Variants in OR6J1 observed in about 807,000 individuals in gnomAD.
The protein encoded by OR6J1 is olfactory receptor family 6 subfamily J member 1.
For missense variants in OR6J1, 304 were observed against 166.8 expected (o/e 1.82, Z -4.53); for synonymous variants, 109 against 70.0 (o/e 1.56, Z -2.78).
At chr14:22,641,600 G>T (rs929512592) in intron 1 of OR6J1, among the ~76,000 whole-genome samples, 1 of 150,168 alleles carries the variant, frequency 6.7e-6, no homozygotes, top group Admixed American at 6.6e-5. Context: ...ATTCTAAAAG[G>T]ATATATATAT....
intron 1 of OR6J1, among the ~76,000 whole-genome samples, chr14:22,641,896 G>T (rs545433901): frequency 6.6e-6 from 1 of 152,304 alleles, no homozygotes; most frequent in South Asian, 2.1e-4. Context: ...CAGGGACAAG[G>T]TCAAATAGGG....
chr14:22,640,682 C>A (rs141361036), intron 1 of OR6J1, among the ~76,000 whole-genome samples: 5 of 150,750 alleles, frequency 3.3e-5, no homozygotes, highest in Non-Finnish European at 7.4e-5. Context: ...AAAGTAATTG[C>A]GGTTTTGCCA....
chr14:22,640,916 C>A (rs1219861598), intron 1 of OR6J1, among the ~76,000 whole-genome samples: 1 of 151,324 alleles, frequency 6.6e-6, no homozygotes, highest in East Asian at 1.9e-4. Context: ...CGCGTGTAAT[C>A]CCAGCACTAT....
intron 1 of OR6J1, among the ~76,000 whole-genome samples, chr14:22,637,749 C>T (rs1203562322): frequency 1.3e-5 from 1 of 76,926 alleles, no homozygotes; most frequent in African/African-American, 8.6e-5. Context: ...ATCAGCCCCC[C>T]GCCTGGCCAG....
chr14:22,639,379 C>G (rs2037624722), intron 1 of OR6J1, among the ~76,000 whole-genome samples: 1 of 126,186 alleles, frequency 7.9e-6, no homozygotes, highest in Non-Finnish European at 1.7e-5. Flanking sequence ...CAGCCCCCCG[C>G]CCGGCCAGCC....
intron 1 of OR6J1, among the ~76,000 whole-genome samples, chr14:22,642,784 T>G (rs926424267): frequency 2.3e-4 from 35 of 151,988 alleles, no homozygotes; most frequent in Admixed American, 3.9e-4. Flanking sequence ...TCACTTACTA[T>G]AATATTTTCT....
At chr14:22,635,744 G>T (rs2037579106) in intron 1 of OR6J1, among the ~76,000 whole-genome samples, 1 of 152,092 alleles carries the variant, frequency 6.6e-6, no homozygotes, top group African/African-American at 2.4e-5. Context: ...TGTCCATAGG[G>T]GAAAAAGTAA....
rs1462921532 is a variant in OR6J1 at position 22,632,706 on chromosome 14, T to TA, written c.*1061dup. On this transcript the variant is annotated 3_prime_UTR_variant, in exon 2 of 2. Coordinates refer to ENST00000540461, the MANE Select transcript of OR6J1 (RefSeq NM_001348233.2). ...CTAAGACCTTCTCAAGATAGCTCAA[T>TA]AAAAAGGGATTTCATTTACAGGTAC... is the stretch of plus-strand genomic sequence containing the variant. 1.3e-5 allele frequency: 2 copies of TA among 152,172 alleles called. No individual in the cohort carries two copies. The highest frequency in any genetic ancestry group is 4.8e-5 in the African/African-American group (2 of 41,428). 9.4% of individuals were successfully genotyped at this position (152,172 alleles called of 1,614,324 possible). A position where few individuals can be genotyped will look rare whatever the true frequency, so the allele number is the denominator to read the frequency against.
chr14:22,637,701 G>A (rs1193869907), intron 1 of OR6J1, among the ~76,000 whole-genome samples: 23 of 73,222 alleles, frequency 3.1e-4, no homozygotes, highest in African/African-American at 1.4e-3. Flanking sequence ...TCAGCCCCCC[G>A]CCCGACCAGC....
chr14:22,634,163 A>G lies in OR6J1; in HGVS notation c.649T>C (p.Tyr217His). 1.4e-6 allele frequency: 1 copy of G among 703,524 alleles called. No individual in the cohort carries two copies. Among genetic ancestry groups the G allele is most frequent in the South Asian group, 1.5e-5 (1 of 67,590 alleles). The allele number at this position is 703,524 out of a possible 1,614,324, so 43.6% of individuals were successfully genotyped here. A position where few individuals can be genotyped will look rare whatever the true frequency, so the allele number is the denominator to read the frequency against. ...LCCIVLVAYSYTYIILTIVRI... is the reference protein window; with the variant it reads ...LCCIVLVAYSHTYIILTIVRI... ...ACTATGGTCAAGATGATGTACGTAT[A>G]GGAATAGGCCACGAGGACTATGCAG... Residue 217 changes from tyrosine (Y) to histidine (H), a missense_variant, in exon 2 of 2, where the codon TAT becomes CAT. Coordinates refer to ENST00000540461, the MANE Select transcript of OR6J1 (RefSeq NM_001348233.2).
chr14:22,641,363 AAG>A (rs1374492002), intron 1 of OR6J1, among the ~76,000 whole-genome samples: 2 of 123,044 alleles, frequency 1.6e-5, no homozygotes, highest in South Asian at 3.0e-4. Context: ...GAAAGAAAGA[AAG>A]GGGGGAGAGA....
chr14:22,643,754 C>CAGAGAGAGAGAGAGAG (rs1594904768), intron 1 of OR6J1, among the ~76,000 whole-genome samples: 1 of 93,070 alleles, frequency 1.1e-5, no homozygotes, highest in African/African-American at 4.2e-5. Flanking sequence ...CACACACACA[C>CAGAGAGAGAGAGAGAG]ACACACACAC....
Position 22,634,855 on chromosome 14 carries a change from A to C in OR6J1, c.-27-17T>G, listed in dbSNP as rs2037573240. The C allele has an allele frequency of 3.2e-6, 2 of 632,264 alleles. No individual in the cohort carries two copies. The highest frequency in any genetic ancestry group is 3.6e-5 in the African/African-American group (2 of 55,008). The allele number at this position is 632,264 out of a possible 1,614,324, so 39.2% of individuals were successfully genotyped here. ...TCAATTCTCCTAACAGAACAAAGGG[A>C]GATAACACTTAAGAGAGTGTTCAGT... is the stretch of plus-strand genomic sequence containing the variant. On this transcript the variant is annotated splice_polypyrimidine_tract_variant and intron_variant, in intron 1 of 1. Coordinates refer to ENST00000540461, the MANE Select transcript of OR6J1 (RefSeq NM_001348233.2).
rs1263161359 is a variant in OR6J1 at position 22,634,702 on chromosome 14, G to GT, written c.109dup (p.Thr37AsnfsTer51). On this transcript the variant is annotated frameshift_variant, in exon 2 of 2. Transcript: ENST00000540461. LOFTEE classifies it low-confidence loss of function (END_TRUNC). The stretch of plus-strand genomic sequence containing the variant: ...GATGATGAGCAGGTTCCCCAGAAGA[G>GT]TCAGCAGGAACGTGGGCAGCAGGAG... The GT allele has an allele frequency of 2.8e-6, 2 of 726,156 alleles. No homozygotes were observed. The highest frequency in any genetic ancestry group is 2.9e-5 in the South Asian group (2 of 69,214). 45.0% of individuals were successfully genotyped at this position (726,156 alleles called of 1,614,324 possible).
Position 22,633,054 on chromosome 14 carries a change from C to T in OR6J1, c.*714G>A, listed in dbSNP as rs562122393. On this transcript the variant is annotated 3_prime_UTR_variant, in exon 2 of 2. Coordinates refer to ENST00000540461, the MANE Select transcript of OR6J1 (RefSeq NM_001348233.2). ...CTTCAATTTCTCAAAAAAGTCGTATCTGTTTACACAGCTCCTCTGGTCCAG... is the reference window on the plus strand; with the variant it reads ...CTTCAATTTCTCAAAAAAGTCGTATTTGTTTACACAGCTCCTCTGGTCCAG... 8.5e-5 allele frequency: 13 copies of T among 152,346 alleles called. No homozygotes were observed. Among genetic ancestry groups the T allele is most frequent in the East Asian group, 1.9e-4 (1 of 5,188 alleles). The allele number at this position is 152,346 out of a possible 1,614,324, so 9.4% of individuals were successfully genotyped here.
chr14:22,638,378 T>G (rs555879024), intron 1 of OR6J1, among the ~76,000 whole-genome samples: 96 of 64,762 alleles, frequency 1.5e-3, no homozygotes, highest in Non-Finnish European at 2.5e-3. Flanking sequence ...CTCTGAAACA[T>G]GTGCTGTGTC....
At position 22,632,680 on chromosome 14, in the gene OR6J1, T is replaced by C. The variant is rs1474272878; in HGVS notation, c.*1088A>G. ...TCAAGCTGCTTTTTGGTCACAAGAA[T>C]CTAAGACCTTCTCAAGATAGCTCAA... On this transcript the variant is annotated 3_prime_UTR_variant, in exon 2 of 2. Coordinates refer to ENST00000540461, the MANE Select transcript of OR6J1 (RefSeq NM_001348233.2). The C allele has an allele frequency of 6.6e-6, 1 of 152,234 alleles. No individual in the cohort carries two copies. The highest frequency in any genetic ancestry group is 2.4e-5 in the African/African-American group (1 of 41,450). The allele number at this position is 152,234 out of a possible 1,614,324, so 9.4% of individuals were successfully genotyped here. A position where few individuals can be genotyped will look rare whatever the true frequency, so the allele number is the denominator to read the frequency against.
chr14:22,634,594 G>A lies in OR6J1; in HGVS notation c.218C>T (p.Thr73Ile), dbSNP rs1359928733. Residue 73 changes from threonine to isoleucine, a missense_variant, in exon 2 of 2, where the codon ACC becomes ATC. Coordinates refer to ENST00000540461, the MANE Select transcript of OR6J1 (RefSeq NM_001348233.2). ...CNLSILDILF[T>I]SVISPKVLAN... The stretch of plus-strand genomic sequence containing the variant: ...CAACACTTTTGGAGAGATGACTGAG[G>A]TGAAGAGGATGTCCAGGATAGAGAG... 1.4e-6 allele frequency: 1 copy of A among 721,324 alleles called. No individual in the cohort carries two copies. The highest frequency in any genetic ancestry group is 2.0e-5 in the Admixed American group (1 of 51,086). The allele number at this position is 721,324 out of a possible 1,614,324, so 44.7% of individuals were successfully genotyped here. A position where few individuals can be genotyped will look rare whatever the true frequency, so the allele number is the denominator to read the frequency against.
chr14:22,641,396 AG>A (rs2037648895), intron 1 of OR6J1, among the ~76,000 whole-genome samples: 2 of 123,246 alleles, frequency 1.6e-5, no homozygotes, highest in East Asian at 2.3e-4. Flanking sequence ...AGAGAGAGAG[AG>A]AAAGGAAGGA....
Sources: allele counts gnomAD v4.1 joint callset (sites outside exome capture counted in the v4.1 genomes callset), GRCh38; gene constraint gnomAD v4.1.1; transcripts MANE v1.5; gene names NCBI Gene and HGNC (gene_info 2026-07-23, HGNC 2026-07-21).